Variants in YWHAE observed in about 807,000 individuals in gnomAD.
YWHAE encodes the protein 14-3-3 protein epsilon.
In YWHAE, 4 loss-of-function variants were observed where a neutral mutation model predicts 30.1. That is an observed-to-expected ratio of 0.13 (90% CI 0.07 to 0.30). The LOEUF (loss-of-function observed/expected upper bound fraction) is 0.30, where lower values mean the gene tolerates loss of function less well. Ranked by LOEUF, YWHAE falls within the 10% of genes least tolerant of loss-of-function variation. YWHAE has a pLI of 1.00. For synonymous variants in YWHAE, 118 were observed against 111.8 expected, an observed-to-expected ratio of 1.06 and a Z score of -0.35; for missense variants, 121 against 315.9, an observed-to-expected ratio of 0.38 and a Z score of 4.68.
chr17:1,370,489 G>A (rs978723384), intron 1 of YWHAE, among the ~76,000 whole-genome samples: 3 of 151,688 alleles, frequency 2.0e-5, no homozygotes, highest in African/African-American at 7.3e-5. Context: ...CCCAGGCAGT[G>A]GCACAATCTC....
chr17:1,361,066 C>T (rs750361902), intron 4 of YWHAE, 26 bp downstream of exon 4: 55 of 1,604,198 alleles, frequency 3.4e-5, no homozygotes, highest in East Asian at 2.5e-4. Flanking sequence ...TCACGCTGAG[C>T]GCTGCTGTTC....
intron 2 of YWHAE, 143 bp downstream of exon 2, chr17:1,364,716 A>G: frequency 9.4e-7 from 1 of 1,061,100 alleles, no homozygotes; most frequent in Non-Finnish European, 1.4e-6. Context: ...AACCAGGCAC[A>G]AAGATCAATA....
intron 4 of YWHAE, among the ~76,000 whole-genome samples, chr17:1,357,791 G>C (rs2072779221): frequency 6.6e-6 from 1 of 151,822 alleles, no homozygotes; most frequent in African/African-American, 2.4e-5. Context: ...GCTGGGTATG[G>C]TGGCGGGCGT....
At chr17:1,351,994 G>A (rs984441020) in intron 5 of YWHAE, 2 of 151,248 alleles carry the variant, frequency 1.3e-5, no homozygotes, top group African/African-American at 2.4e-5. Context: ...ATGTTGCCCA[G>A]GCTGGTCTTG....
intron 1 of YWHAE, among the ~76,000 whole-genome samples, chr17:1,388,118 G>GTTTTTTTTTTTTTT (rs1297503908): frequency 3.9e-4 from 6 of 15,494 alleles, no homozygotes; most frequent in East Asian, 1.9e-3. Context: ...TTTTTGGTTG[G>GTTTTTTTTTTTTTT]TTTTTTTTTT....
chr17:1,365,448 A>G (rs997481330), intron 1 of YWHAE, among the ~76,000 whole-genome samples: 4 of 152,374 alleles, frequency 2.6e-5, no homozygotes, highest in Middle Eastern at 6.8e-3. Context: ...TCACAAATAA[A>G]TAGTATTTCC....
In YWHAE at chr17:1,344,904, T is replaced by A; in HGVS notation, c.*543A>T. ...GCTTTTCAGCAACATTTCAGCGGAG[T>A]TGGAAACATTTTTTACAGCAAAACC... On this transcript the variant is annotated 3_prime_UTR_variant, in exon 6 of 6. Transcript: ENST00000264335. 1 of 233,352 alleles carries A rather than the reference T, an allele frequency of 4.3e-6. No homozygotes were observed. Among genetic ancestry groups the A allele is most frequent in the Non-Finnish European group, 8.5e-6 (1 of 117,938 alleles). The allele number at this position is 233,352 out of a possible 1,614,324, so 14.5% of individuals were successfully genotyped here. A position where few individuals can be genotyped will look rare whatever the true frequency, so the allele number is the denominator to read the frequency against.
chr17:1,379,109 A>G (rs2073167556), intron 1 of YWHAE, among the ~76,000 whole-genome samples: 1 of 152,190 alleles, frequency 6.6e-6, no homozygotes, highest in African/African-American at 2.4e-5. Flanking sequence ...AAGCCTGCTT[A>G]AAGTTTGCGA....
intron 4 of YWHAE, among the ~76,000 whole-genome samples, chr17:1,354,984 T>G (rs1027558660): frequency 2.1e-5 from 2 of 96,634 alleles, no homozygotes; most frequent in South Asian, 3.0e-4. Flanking sequence ...TTTTTTTTTT[T>G]TTTTTTTTTT....
intron 1 of YWHAE, among the ~76,000 whole-genome samples, chr17:1,381,928 A>C (rs2073214030): frequency 6.6e-6 from 1 of 151,670 alleles, no homozygotes. Flanking sequence ...AAAAAAAAAA[A>C]AAAAAGACAG....
chr17:1,388,113 G>T (rs150554658), intron 1 of YWHAE, among the ~76,000 whole-genome samples: 1,612 of 34,928 alleles, frequency 0.046, 83 homozygotes, highest in Middle Eastern at 0.077. Flanking sequence ...TTTTTTTTTT[G>T]GTTGGTTTTT....
chr17:1,370,491 C>T (rs1046100192), intron 1 of YWHAE, among the ~76,000 whole-genome samples: 54 of 151,874 alleles, frequency 3.6e-4, no homozygotes, highest in Non-Finnish European at 5.4e-4. Flanking sequence ...CAGGCAGTGG[C>T]ACAATCTCGG....
In YWHAE at chr17:1,370,275, C is replaced by T. The variant is rs539070165; in HGVS notation, c.65-5217G>A. On this transcript the variant is annotated intron_variant, in intron 1 of 5. Coordinates refer to ENST00000264335, the MANE Select transcript of YWHAE (RefSeq NM_006761.5). ...CCGAGTAGCTGGGACCACAGGCGCC[C>T]GTCACCATGCCCAGTGAATTTTTTT... is the stretch of plus-strand genomic sequence containing the variant. Among the ~76,000 whole-genome samples the T allele has an allele frequency of 2.8e-4, 42 of 151,602 alleles. No homozygotes were observed. In the South Asian group the frequency reaches 5.7e-3, roughly 20 times the overall value.
At chr17:1,357,875 T>A (rs368431244) in intron 4 of YWHAE, among the ~76,000 whole-genome samples, 2 of 148,130 alleles carry the variant, frequency 1.4e-5, no homozygotes, top group African/African-American at 5.0e-5. Context: ...TGCAGTGAGC[T>A]GAGATTGCAC....
chr17:1,367,389 G>A (rs1304399849), intron 1 of YWHAE, among the ~76,000 whole-genome samples: 1 of 152,160 alleles, frequency 6.6e-6, no homozygotes, highest in Non-Finnish European at 1.5e-5. Context: ...GATTACTTGA[G>A]CCCAGTAGTT....
chr17:1,347,171 C>CAA (rs11348283), intron 5 of YWHAE, among the ~76,000 whole-genome samples: 1 of 125,478 alleles, frequency 8.0e-6, no homozygotes, highest in African/African-American at 3.0e-5. Flanking sequence ...ACTAAAAATA[C>CAA]AAAAAAAAAA....
chr17:1,353,356 T>C (rs2072669355), intron 5 of YWHAE, among the ~76,000 whole-genome samples: 1 of 138,350 alleles, frequency 7.2e-6, no homozygotes, highest in Admixed American at 8.1e-5. Context: ...GAGAATGGTG[T>C]AAACCCAGGA....
intron 1 of YWHAE, among the ~76,000 whole-genome samples, chr17:1,367,429 T>A (rs894337059): frequency 2.0e-5 from 3 of 152,116 alleles, no homozygotes; most frequent in African/African-American, 7.2e-5. Context: ...ATGGTGAGAC[T>A]CTGCCTCTAC....
At chr17:1,348,789 C>G (rs1343696427) in intron 5 of YWHAE, among the ~76,000 whole-genome samples, 10 of 150,536 alleles carry the variant, frequency 6.6e-5, no homozygotes, top group Non-Finnish European at 1.5e-5. Context: ...TTTGGGAGGC[C>G]GAGGCAGGCG....
Sources: gnomAD v4.1 joint callset for allele counts (sites outside exome capture counted in the v4.1 genomes callset) on GRCh38, gnomAD v4.1.1 for gene constraint, MANE v1.5 for transcripts, NCBI Gene and HGNC (gene_info 2026-07-23, HGNC 2026-07-21) for gene names.